The following PHF12 variants were observed in gnomAD, a reference collection of about 807,000 sequenced individuals.
PHF12 encodes the protein PHD factor 1.
PHF12 carries 6 observed loss-of-function variants against 99.8 expected under a neutral mutation model. That is an observed-to-expected ratio of 0.06 (90% CI 0.03 to 0.12). The LOEUF (loss-of-function observed/expected upper bound fraction) is 0.12, where lower values mean the gene tolerates loss of function less well. Ranked by LOEUF, PHF12 falls within the 10% of genes least tolerant of loss-of-function variation. The pLI is 1.00. For missense variants in PHF12, 954 were observed against 1,300.1 expected (o/e 0.73, Z 4.09); for synonymous variants, 480 against 514.9 (o/e 0.93, Z 0.92).
intron 8 of PHF12, 129 bp from the exon 9 acceptor site, chr17:28,913,406 G>A (rs1177241401): frequency 6.9e-7 from 1 of 1,452,890 alleles, no homozygotes; most frequent in Non-Finnish European, 9.0e-7. Flanking sequence ...CTCACAAAGG[G>A]TGTGCTTGAC....
At chr17:28,920,596 G>C (rs1450799663) in intron 5 of PHF12, among the ~76,000 whole-genome samples, 1 of 152,144 alleles carries the variant, frequency 6.6e-6, no homozygotes, top group Admixed American at 6.5e-5. Flanking sequence ...TGGAGTCTTG[G>C]TCTGTCACCA....
chr17:28,949,931 C>G lies in PHF12; in HGVS notation c.248+134G>C, dbSNP rs1439867548. On this transcript the variant is annotated intron_variant, in intron 2 of 14. Coordinates refer to ENST00000332830, the MANE Select transcript of PHF12 (RefSeq NM_001033561.2). This position sits in a 1 kb window ranked among gnomAD's most constrained non-coding sequence, Gnocchi z 4.6. ...GCGGACACCTGGGGGCGGGGAGGTG[C>G]TCGCCCCGGCAGCTGCAGAAAGTCA... is the stretch of plus-strand genomic sequence containing the variant. 1 of 1,063,970 alleles carries G rather than the reference C, an allele frequency of 9.4e-7. No individual in the cohort carries two copies. Among genetic ancestry groups the G allele is most frequent in the East Asian group, 2.6e-5 (1 of 38,040 alleles). The allele number at this position is 1,063,970 out of a possible 1,614,324, so 65.9% of individuals were successfully genotyped here.
rs568307859 is a variant in PHF12, at chr17:28,906,492, G to A, written c.2706C>T (p.Asp902=). 2.1e-5 allele frequency: 34 copies of A among 1,605,962 alleles called. No homozygotes were observed. In the Middle Eastern group the frequency reaches 5.0e-4, roughly 23 times the overall value. The change falls in exon 15 of 15, where the codon GAC becomes GAT. Residue 902 remains aspartate, a synonymous_variant. Coordinates refer to ENST00000332830, the MANE Select transcript of PHF12 (RefSeq NM_001033561.2). This position sits in a 1 kb window ranked among gnomAD's most constrained non-coding sequence, Gnocchi z 4.2. ...VIRRRRHQKQ[D]EEPSEEAAMM... ...TGGCTGCCTCCTCACTTGGCTCTTC[G>A]TCCTGTTTCTGGTGCCGGCGGCGCC...
At chr17:28,920,856 G>A (rs776521397) in intron 5 of PHF12, among the ~76,000 whole-genome samples, 50 of 147,134 alleles carry the variant, frequency 3.4e-4, no homozygotes, top group Middle Eastern at 4.1e-3. Context: ...CCACCACACC[G>A]GGCCATTGTT....
At chr17:28,921,896 G>C in intron 4 of PHF12, 88 bp from the exon 5 acceptor site, 1 of 1,560,014 alleles carries the variant, frequency 6.4e-7, no homozygotes, top group Non-Finnish European at 8.7e-7. Flanking sequence ...GACAAAAACA[G>C]ATCTTAAGCA....
intron 7 of PHF12, among the ~76,000 whole-genome samples, chr17:28,915,214 G>A (rs1157013747): frequency 6.6e-6 from 1 of 152,182 alleles, no homozygotes; most frequent in East Asian, 1.9e-4. Context: ...AAGCATGTAA[G>A]GCATAGAGAT....
At chr17:28,926,934 C>T (rs1408007986) in intron 3 of PHF12, 57 bp downstream of exon 3, 1 of 1,608,818 alleles carries the variant, frequency 6.2e-7, no homozygotes, top group Non-Finnish European at 8.5e-7. Context: ...TTAGCTCTAG[C>T]ATATCAGTGC....
In PHF12 at chr17:28,931,418, G is replaced by A. The variant is rs143884886; in HGVS notation, c.249-4355C>T. On this transcript the variant is annotated intron_variant, in intron 2 of 14. Transcript: ENST00000332830. The stretch of plus-strand genomic sequence containing the variant: ...TTACAGGTTGCCCGCCATCACACCC[G>A]GCTAATTTTTATATTTTTAGTAGAG... Among the ~76,000 whole-genome samples, 14 of 151,106 alleles carry A rather than the reference G, an allele frequency of 9.3e-5. No homozygotes were observed. The East Asian group carries it at 2.7e-3, about 29-fold the overall frequency.
rs756728227 is a variant in PHF12, at chr17:28,917,434, T to C, written c.985A>G (p.Met329Val). ...ACCTGGCACCGATTGCTCAGTGTCA[T>C]ATTCTTCTGGTTCAGCTAGGGACAA... ...IEHVVLNQKN[M>V]TLSNRCQVFD... The change falls in exon 7 of 15, where the codon ATG becomes GTG. Residue 329 changes from methionine to valine, a missense_variant. Physicochemically the swap from Met to Val is conservative, Grantham distance 21. This residue lies in a region of PHF12 where 85 missense variants were observed against 196.6 expected (regional missense o/e 0.43). Transcript: ENST00000332830. 26 of 1,610,262 alleles carry C rather than the reference T, an allele frequency of 1.6e-5. No individual in the cohort carries two copies. Among genetic ancestry groups the C allele is most frequent in the Non-Finnish European group, 1.8e-5 (21 of 1,177,744 alleles).
In PHF12 at chr17:28,911,122, A is replaced by G. The variant is rs757970893; in HGVS notation, c.2205T>C (p.Asp735=). 1.2e-6 allele frequency: 2 copies of G among 1,614,000 alleles called. No individual in the cohort carries two copies. Among genetic ancestry groups the G allele is most frequent in the African/African-American group, 2.7e-5 (2 of 74,916 alleles). The change falls in exon 10 of 15, where the codon GAT becomes GAC. Residue 735 remains aspartate (D), a synonymous_variant. Coordinates refer to ENST00000332830, the MANE Select transcript of PHF12 (RefSeq NM_001033561.2). The part of the protein sequence containing the change: ...DLTNSLRAFM[D]VNGEIEINML... ...AGCTCATTCACTCACCTCCATTGAC[A>G]TCCATAAATGCTCGAAGTGAGTTGG...
In PHF12 at chr17:28,941,078, C is replaced by T. The variant is rs75059712; in HGVS notation, c.248+8987G>A. Among the ~76,000 whole-genome samples, 186 of 143,730 alleles carry T rather than the reference C, an allele frequency of 1.3e-3. 1 individual carries two copies. Among genetic ancestry groups the T allele is most frequent in the Middle Eastern group, 3.6e-3 (1 of 278 alleles). The allele number at this position is 143,730 out of a possible 152,430, so 94.3% of individuals were successfully genotyped here. A position where few individuals can be genotyped will look rare whatever the true frequency, so the allele number is the denominator to read the frequency against. ...TTTTTCCTGTTCTGGTGACTTAAAA[C>T]GCTGGACCTTAAAACTTGAATGCAT... On this transcript the variant is annotated intron_variant, in intron 2 of 14. Coordinates refer to ENST00000332830, the MANE Select transcript of PHF12 (RefSeq NM_001033561.2).
At chr17:28,911,298 C>T in intron 9 of PHF12, 61 bp from the exon 10 acceptor site, 4 of 1,602,588 alleles carry the variant, frequency 2.5e-6, no homozygotes, top group Non-Finnish European at 3.4e-6. Flanking sequence ...CCGTCCAATC[C>T]CCCACTGCTG....
intron 2 of PHF12, among the ~76,000 whole-genome samples, chr17:28,941,753 G>A (rs1325520005): frequency 2.0e-5 from 3 of 151,974 alleles, no homozygotes; most frequent in Non-Finnish European, 4.4e-5. Flanking sequence ...CCCAAGTAGC[G>A]TGCATCACCA....
At chr17:28,936,957 T>G (rs773460292) in intron 2 of PHF12, among the ~76,000 whole-genome samples, 7 of 152,172 alleles carry the variant, frequency 4.6e-5, no homozygotes, top group Non-Finnish European at 1.0e-4. Context: ...GTGTTGATAC[T>G]AGCCAAAATG....
rs931519297 is a variant in PHF12, at chr17:28,950,755, G to T, written c.66+140C>A. The T allele has an allele frequency of 9.5e-6, 12 of 1,263,382 alleles. No individual in the cohort carries two copies. The African/African-American group carries it at 1.7e-4, about 18-fold the overall frequency. 78.3% of individuals were successfully genotyped at this position (1,263,382 alleles called of 1,614,324 possible). ...AGCTCAGCCCCCTAAATTGCAAAGA[G>T]GGGAGGGAGAGGCTAGGTGAGGAAG... is the stretch of plus-strand genomic sequence containing the variant. On this transcript the variant is annotated intron_variant, in intron 1 of 14. Transcript: ENST00000332830. This position sits in a 1 kb window ranked among gnomAD's most constrained non-coding sequence, Gnocchi z 5.7.
intron 3 of PHF12, chr17:28,926,113 T>G (rs1291117025): frequency 6.6e-6 from 1 of 152,652 alleles, no homozygotes; most frequent in Non-Finnish European, 1.5e-5. Flanking sequence ...ATATGAACCC[T>G]TATGCACGTA....
intron 5 of PHF12, 23 bp from the exon 6 acceptor site, chr17:28,919,298 A>G: frequency 6.2e-7 from 1 of 1,608,260 alleles, no homozygotes; most frequent in Non-Finnish European, 8.5e-7. Flanking sequence ...GATGTTGGCC[A>G]TTTCTGTGGC....
chr17:28,919,060 A>G, intron 6 of PHF12, 83 bp downstream of exon 6: 1 of 1,495,516 alleles, frequency 6.7e-7, no homozygotes, highest in Non-Finnish European at 9.0e-7. Flanking sequence ...CTTGGCACCA[A>G]GCTGACCTTA....
rs35263191 is a variant in PHF12 at position 28,923,653 on chromosome 17, C to CAAAAAAAAAAAAAAAAAAAAAAAAA, written c.715+255_715+256insTTTTTTTTTTTTTTTTTTTTTTTTT. Reference sequence around the variant, plus strand: ...AGCCTGAGTGACAAAGTGAGACTCACAAAAAAAAAAAAAAAAAAAAAAGGA... The same window carrying CAAAAAAAAAAAAAAAAAAAAAAAAA: ...AGCCTGAGTGACAAAGTGAGACTCACAAAAAAAAAAAAAAAAAAAAAAAAAAAAAAAAAAAAAAAAAAAAAAAGGA... On this transcript the variant is annotated intron_variant, in intron 4 of 14. Transcript: ENST00000332830. Among the ~76,000 whole-genome samples the CAAAAAAAAAAAAAAAAAAAAAAAAA allele has an allele frequency of 1.2e-3, 52 of 43,472 alleles. 2 individuals are homozygous for CAAAAAAAAAAAAAAAAAAAAAAAAA. The highest frequency in any genetic ancestry group is 2.4e-3 in the South Asian group (2 of 838). 28.5% of individuals were successfully genotyped at this position (43,472 alleles called of 152,430 possible). A position where few individuals can be genotyped will look rare whatever the true frequency, so the allele number is the denominator to read the frequency against.
Sources: gnomAD v4.1 joint callset for allele counts (sites outside exome capture counted in the v4.1 genomes callset) on GRCh38, gnomAD v4.1.1 for gene constraint, gnomAD v4.1.1 regional missense constraint, Gnocchi (gnomAD v3.1) non-coding constraint, MANE v1.5 for transcripts, NCBI Gene and HGNC (gene_info 2026-07-23, HGNC 2026-07-21) for gene names.